Variants in PTPRG observed in about 807,000 individuals in gnomAD.
PTPRG encodes protein tyrosine phosphatase receptor type G, also known as receptor-type tyrosine-protein phosphatase gamma.
Under a neutral mutation model 165.3 loss-of-function variants are expected in PTPRG, and 102 were observed. The observed-to-expected ratio is 0.62, with a 90% CI of 0.53 to 0.73. The LOEUF is 0.73. Ranked by LOEUF, PTPRG falls within the 30% of genes least tolerant of loss-of-function variation. The probability of loss-of-function intolerance (pLI) is 0.00; values close to 1 mark genes in which losing one functional copy is unlikely to be tolerated. For synonymous variants in PTPRG, 675 were observed against 669.5 expected, an observed-to-expected ratio of 1.01 and a Z score of -0.13; for missense variants, 1,866 against 1,861.4, an observed-to-expected ratio of 1.00 and a Z score of -0.05.
chr3:62,112,684 T>C (rs1171203668), intron 5 of PTPRG, among the ~76,000 whole-genome samples: 1 of 152,196 alleles, frequency 6.6e-6, no homozygotes, highest in African/African-American at 2.4e-5. Flanking sequence ...ACTGCAGTCA[T>C]TTTTGCTAAG....
At chr3:61,819,805 G>A (rs1305954557) in intron 2 of PTPRG, among the ~76,000 whole-genome samples, 1 of 152,124 alleles carries the variant, frequency 6.6e-6, no homozygotes, top group African/African-American at 2.4e-5. Flanking sequence ...GATAAAAGGG[G>A]AACCTATAGA....
At chr3:62,035,636 T>C (rs920702563) in intron 4 of PTPRG, among the ~76,000 whole-genome samples, 16 of 152,362 alleles carry the variant, frequency 1.1e-4, no homozygotes, top group Admixed American at 7.2e-4. Flanking sequence ...CATAGACTTA[T>C]AATCCTACTC....
intron 2 of PTPRG, among the ~76,000 whole-genome samples, chr3:61,888,374 C>T (rs2038113416): frequency 6.6e-6 from 1 of 150,746 alleles, no homozygotes. Flanking sequence ...TCCTCTGTCG[C>T]CCAGGCTGGA....
chr3:62,000,391 C>T (rs1373860970), intron 3 of PTPRG, among the ~76,000 whole-genome samples: 1 of 151,674 alleles, frequency 6.6e-6, no homozygotes, highest in Non-Finnish European at 1.5e-5. Flanking sequence ...TGCCAGATTA[C>T]AGAGAACTTA....
At chr3:61,742,745 G>T in intron 1 of PTPRG, 1 of 1,610,910 alleles carries the variant, frequency 6.2e-7, no homozygotes, top group Non-Finnish European at 8.5e-7. Context: ...CCGAGGATTC[G>T]TGGAATCTGC....
At position 61,578,942 on chromosome 3, in the gene PTPRG, C is replaced by T. The variant is rs149499769; in HGVS notation, c.85+16570C>T. Among the ~76,000 whole-genome samples the T allele has an allele frequency of 4.1e-3, 618 of 152,202 alleles. 3 individuals are homozygous for T. The highest frequency in any genetic ancestry group is 0.013 in the African/African-American group (555 of 41,518). On this transcript the variant is annotated intron_variant, in intron 1 of 29. Transcript: ENST00000474889. ...TGGGTTTCAGTGGTAAGTTCTTTTA[C>T]GAGGGATAAACAAGGATGTTAAAGT...
At chr3:61,682,407 CA>C in intron 1 of PTPRG, among the ~76,000 whole-genome samples, 1 of 152,126 alleles carries the variant, frequency 6.6e-6, no homozygotes. Context: ...ACTTATATAG[CA>C]GATGCTGTTA....
At chr3:62,178,990 G>C (rs1315786542) in intron 8 of PTPRG, among the ~76,000 whole-genome samples, 17 of 152,328 alleles carry the variant, frequency 1.1e-4, no homozygotes, top group Admixed American at 5.9e-4. Flanking sequence ...GAGGCTGCGA[G>C]ACATTGGTGT....
At chr3:61,727,062 AG>A (rs1457644281) in intron 1 of PTPRG, among the ~76,000 whole-genome samples, 1 of 151,068 alleles carries the variant, frequency 6.6e-6, no homozygotes, top group African/African-American at 2.4e-5. Context: ...AAAAAAAAAA[AG>A]ATTGAGCTAT....
At chr3:62,160,930 G>A (rs538225535) in intron 7 of PTPRG, among the ~76,000 whole-genome samples, 4 of 113,330 alleles carry the variant, frequency 3.5e-5, no homozygotes, top group Non-Finnish European at 6.8e-5. Flanking sequence ...TTAATTGCAT[G>A]ACCCTTTTTA....
At chr3:62,149,334 C>T (rs1229161519) in intron 6 of PTPRG, among the ~76,000 whole-genome samples, 1 of 147,406 alleles carries the variant, frequency 6.8e-6, no homozygotes. Flanking sequence ...AGTGCAGTGG[C>T]GCGATCTTGG....
intron 2 of PTPRG, among the ~76,000 whole-genome samples, chr3:61,831,703 A>G (rs1462287858): frequency 6.6e-6 from 1 of 152,254 alleles, no homozygotes; most frequent in African/African-American, 2.4e-5. Flanking sequence ...GACCATGGAA[A>G]TAGAGAAAAA....
At chr3:61,970,353 T>C (rs1465200995) in intron 2 of PTPRG, among the ~76,000 whole-genome samples, 1 of 152,060 alleles carries the variant, frequency 6.6e-6, no homozygotes, top group African/African-American at 2.4e-5. Flanking sequence ...GAAAAATCAC[T>C]GACAAAAAAA....
chr3:61,989,952 G>A, intron 3 of PTPRG, 148 bp downstream of exon 3: 1 of 778,272 alleles, frequency 1.3e-6, no homozygotes, highest in Non-Finnish European at 2.0e-6. Flanking sequence ...AACAAGTTAT[G>A]TAACTCAGTA....
At chr3:62,024,121 CTA>C (rs974299717) in intron 4 of PTPRG, among the ~76,000 whole-genome samples, 1 of 152,062 alleles carries the variant, frequency 6.6e-6, no homozygotes, top group African/African-American at 2.4e-5. Context: ...TGACTGACAA[CTA>C]TGTTTATGGT....
chr3:61,751,437 G>C (rs1348840048), intron 2 of PTPRG, among the ~76,000 whole-genome samples: 1 of 152,130 alleles, frequency 6.6e-6, no homozygotes, highest in Non-Finnish European at 1.5e-5. Context: ...CTCAAAGATT[G>C]CTTTAATAGT....
chr3:61,974,715 G>A (rs76850525), intron 2 of PTPRG, among the ~76,000 whole-genome samples: 21 of 152,192 alleles, frequency 1.4e-4, no homozygotes, highest in East Asian at 3.9e-4. Context: ...TATTGGAAAC[G>A]TTGGTACTTT....
At chr3:61,694,018 A>AT (rs1219671207) in intron 1 of PTPRG, among the ~76,000 whole-genome samples, 1 of 146,450 alleles carries the variant, frequency 6.8e-6, no homozygotes, top group Non-Finnish European at 1.5e-5. Flanking sequence ...CAAAAAAAAA[A>AT]AAAAAAAAGA....
chr3:62,168,852 C>T (rs2106737006), intron 8 of PTPRG, among the ~76,000 whole-genome samples: 1 of 152,226 alleles, frequency 6.6e-6, no homozygotes, highest in African/African-American at 2.4e-5. Context: ...AATCAGGTCG[C>T]CCATGGACTT....
Sources: gnomAD v4.1 joint callset for allele counts (sites outside exome capture counted in the v4.1 genomes callset) on GRCh38, gnomAD v4.1.1 for gene constraint, MANE v1.5 for transcripts, NCBI Gene and HGNC (gene_info 2026-07-23, HGNC 2026-07-21) for gene names.